Variants in APBB2 observed in about 807,000 individuals in gnomAD.
The protein encoded by APBB2 is Fe65-like 1.
In APBB2, 38 loss-of-function variants were observed where a neutral mutation model predicts 82.5. That is an observed-to-expected ratio of 0.46 (90% CI 0.36 to 0.60). The LOEUF (loss-of-function observed/expected upper bound fraction) is 0.60. Among genes scored for constraint, APBB2 ranks in the 20% least tolerant of loss-of-function variants. APBB2 has a pLI of 0.00. For missense variants in APBB2, 772 were observed against 972.3 expected, an observed-to-expected ratio of 0.79 and a Z score of 2.74; for synonymous variants, 341 against 368.2, an observed-to-expected ratio of 0.93 and a Z score of 0.85.
intron 12 of APBB2, among the ~76,000 whole-genome samples, chr4:40,861,514 G>A (rs1762761599): frequency 6.6e-6 from 1 of 152,186 alleles, no homozygotes; most frequent in East Asian, 1.9e-4. Context: ...ATTATAGAGC[G>A]AGATGCTATC....
chr4:41,075,221 C>CT (rs566835607), intron 3 of APBB2, among the ~76,000 whole-genome samples: 51 of 152,136 alleles, frequency 3.4e-4, no homozygotes, highest in Non-Finnish European at 6.2e-4. Context: ...ATTGATTGCC[C>CT]TTTGACTTTA....
intron 6 of APBB2, among the ~76,000 whole-genome samples, chr4:40,996,046 T>C (rs1446868631): frequency 6.6e-6 from 1 of 152,222 alleles, no homozygotes. Context: ...TGAGGTTACA[T>C]CTGTTGAGTG....
chr4:41,158,015 A>G (rs1351333550), intron 1 of APBB2, among the ~76,000 whole-genome samples: 1 of 152,108 alleles, frequency 6.6e-6, no homozygotes, highest in Non-Finnish European at 1.5e-5. Flanking sequence ...TCAAACAAAC[A>G]AAAGAGCCAC....
At position 40,813,593 on chromosome 4, in the gene APBB2, C is replaced by G. The variant is rs531215943; in HGVS notation, c.*2499G>C. The G allele has an allele frequency of 1.3e-5, 2 of 152,088 alleles. No homozygotes were observed. Among genetic ancestry groups the G allele is most frequent in the African/African-American group, 4.8e-5 (2 of 41,412 alleles). The allele number at this position is 152,088 out of a possible 1,614,324, so 9.4% of individuals were successfully genotyped here. ...ATACAATGCCATTTTCAAAACAAAA[C>G]GTCTGCAAAGTTTTCAATATGTAAA... On this transcript the variant is annotated 3_prime_UTR_variant, in exon 18 of 18. Transcript: ENST00000508593.
At chr4:40,822,629 C>A (rs1748392291) in intron 16 of APBB2, among the ~76,000 whole-genome samples, 1 of 152,152 alleles carries the variant, frequency 6.6e-6, no homozygotes, top group South Asian at 2.1e-4. Flanking sequence ...AAGAAATGTT[C>A]AGAATTCTTT....
At chr4:40,933,488 C>T (rs887206899) in intron 10 of APBB2, among the ~76,000 whole-genome samples, 3 of 152,148 alleles carry the variant, frequency 2.0e-5, no homozygotes, top group African/African-American at 4.8e-5. Flanking sequence ...AGAGGCTCAC[C>T]CCCACTGAGT....
chr4:41,120,760 C>A (rs1261751652), intron 2 of APBB2, among the ~76,000 whole-genome samples: 2 of 152,124 alleles, frequency 1.3e-5, no homozygotes. Context: ...CAAAATACAG[C>A]CTAAAATTGA....
intron 10 of APBB2, 55 bp downstream of exon 10, chr4:40,934,401 T>G: frequency 6.6e-7 from 1 of 1,513,172 alleles, no homozygotes; most frequent in Non-Finnish European, 9.2e-7. Context: ...TGATCCAAAG[T>G]CATTATTTGG....
Position 41,156,233 on chromosome 4 carries a change from C to T in APBB2, c.-416-13091G>A, listed in dbSNP as rs76543385. Among the ~76,000 whole-genome samples the T allele has an allele frequency of 2.2e-4, 34 of 152,012 alleles. No homozygotes were observed. The East Asian group carries it at 6.2e-3, about 28-fold the overall frequency. ...CAGGAGGAAGAAAAGGAGAACAGGACGTACAATTAATTGAGGGGAAAAAAA... is the reference window on the plus strand; with the variant it reads ...CAGGAGGAAGAAAAGGAGAACAGGATGTACAATTAATTGAGGGGAAAAAAA... On this transcript the variant is annotated intron_variant, in intron 1 of 17. Transcript: ENST00000508593.
rs181783415 is a variant in APBB2, at chr4:41,193,291, C to T, written c.-417+21114G>A. 4.4e-3 allele frequency among the ~76,000 whole-genome samples: 667 copies of T among 152,328 alleles called. 14 individuals carry two copies. Among genetic ancestry groups the T allele is most frequent in the Admixed American group, 0.04 (610 of 15,306 alleles). On this transcript the variant is annotated intron_variant, in intron 1 of 17. Transcript: ENST00000508593. ...CTGGAAAAAGAACAAATGTAACTGGCACATACTCTGTGACAGGCCTCTTAG... is the reference window on the plus strand; with the variant it reads ...CTGGAAAAAGAACAAATGTAACTGGTACATACTCTGTGACAGGCCTCTTAG...
chr4:41,193,305 C>T (rs1174606472), intron 1 of APBB2, among the ~76,000 whole-genome samples: 1 of 152,234 alleles, frequency 6.6e-6, no homozygotes, highest in Non-Finnish European at 1.5e-5. Flanking sequence ...TACTCTGTGA[C>T]AGGCCTCTTA....
intron 7 of APBB2, among the ~76,000 whole-genome samples, chr4:40,937,639 A>G (rs948763525): frequency 2.6e-5 from 4 of 152,336 alleles, no homozygotes; most frequent in Middle Eastern, 3.4e-3. Context: ...AACTGGCATT[A>G]TATGTGTTAT....
At chr4:40,879,098 C>T (rs1767670560) in intron 12 of APBB2, among the ~76,000 whole-genome samples, 1 of 151,886 alleles carries the variant, frequency 6.6e-6, no homozygotes, top group African/African-American at 2.4e-5. Context: ...AAACATGAGA[C>T]CCAGTGCCTG....
At chr4:41,145,455 C>T (rs559253255) in intron 1 of APBB2, among the ~76,000 whole-genome samples, 1 of 152,274 alleles carries the variant, frequency 6.6e-6, no homozygotes, top group Non-Finnish European at 1.5e-5. Context: ...GTACAAATCA[C>T]GTGCAGGTAT....
At chr4:41,166,840 T>C (rs568033419) in intron 1 of APBB2, among the ~76,000 whole-genome samples, 97 of 152,236 alleles carry the variant, frequency 6.4e-4, no homozygotes, top group African/African-American at 9.6e-4. Flanking sequence ...GACGTTGCAG[T>C]GAGCCGTGAC....
intron 6 of APBB2, among the ~76,000 whole-genome samples, chr4:41,005,379 C>T (rs530895052): frequency 2.6e-5 from 4 of 151,836 alleles, no homozygotes; most frequent in Non-Finnish European, 4.4e-5. Context: ...TGAGCCACAG[C>T]GCCTGGCCAA....
intron 6 of APBB2, among the ~76,000 whole-genome samples, chr4:41,005,448 G>A (rs972196339): frequency 4.6e-5 from 7 of 152,034 alleles, no homozygotes; most frequent in Non-Finnish European, 8.8e-5. Context: ...ACTAATCTGG[G>A]CAAATAGCTC....
At chr4:41,214,312 G>A (rs1780116852) in intron 1 of APBB2, 93 bp downstream of exon 1, 1 of 152,286 alleles carries the variant, frequency 6.6e-6, no homozygotes, top group East Asian at 1.9e-4. Context: ...GCAGCCGCTC[G>A]CCGCACGCTG....
At chr4:41,003,968 C>T (rs1311130272) in intron 6 of APBB2, among the ~76,000 whole-genome samples, 1 of 152,326 alleles carries the variant, frequency 6.6e-6, no homozygotes, top group East Asian at 1.9e-4. Flanking sequence ...CCACCTTGGC[C>T]TCCCAAAATG....
Sources: gnomAD v4.1 joint callset for allele counts (sites outside exome capture counted in the v4.1 genomes callset) on GRCh38, gnomAD v4.1.1 for gene constraint, MANE v1.5 for transcripts, NCBI Gene and HGNC (gene_info 2026-07-23, HGNC 2026-07-21) for gene names.